WWOX: variants seen among roughly 807,000 people sequenced by gnomAD.
The protein encoded by WWOX is WW domain containing oxidoreductase.
A neutral mutation model predicts 46.2 loss-of-function variants in WWOX; 69 were observed. The ratio of observed to expected loss-of-function variants is 1.49; its 90% confidence interval spans 1.23 to 1.82. WWOX has a LOEUF of 1.82. Among genes scored for constraint, WWOX ranks in the 40% most tolerant of loss-of-function variants. The pLI, the probability that WWOX is intolerant of heterozygous loss-of-function variation, is 0.00. For missense variants in WWOX, 919 were observed against 542.6 expected, an observed-to-expected ratio of 1.69 and a Z score of -6.89; for synonymous variants, 359 against 202.6, an observed-to-expected ratio of 1.77 and a Z score of -6.56.
intron 8 of WWOX, among the ~76,000 whole-genome samples, chr16:78,580,916 G>A (rs1367894007): frequency 1.3e-5 from 2 of 152,202 alleles, no homozygotes; most frequent in Non-Finnish European, 2.9e-5. Context: ...CTGGTCATAA[G>A]TCTAATTTAG....
At chr16:78,362,469 C>T (rs769311604) in intron 5 of WWOX, among the ~76,000 whole-genome samples, 4 of 151,990 alleles carry the variant, frequency 2.6e-5, no homozygotes, top group Non-Finnish European at 5.9e-5. Flanking sequence ...AATTAACAGG[C>T]GTGGTGGCAG....
intron 8 of WWOX, among the ~76,000 whole-genome samples, chr16:78,978,999 C>G (rs1207159079): frequency 1.3e-5 from 2 of 152,098 alleles, no homozygotes; most frequent in Non-Finnish European, 2.9e-5. Context: ...TCATTTTAGG[C>G]TATGAGGACC....
intron 5 of WWOX, among the ~76,000 whole-genome samples, chr16:78,275,182 C>T (rs2079554015): frequency 6.6e-6 from 1 of 152,166 alleles, no homozygotes; most frequent in African/African-American, 2.4e-5. Flanking sequence ...GTGGTGAATT[C>T]AGCCTGCAGG....
intron 8 of WWOX, among the ~76,000 whole-genome samples, chr16:78,553,701 C>T (rs1340613042): frequency 2.0e-5 from 3 of 152,010 alleles, no homozygotes; most frequent in African/African-American, 7.3e-5. Flanking sequence ...GAACCTTTCC[C>T]TAGAAGGTCT....
At chr16:78,434,024 C>T (rs543001369) in intron 8 of WWOX, among the ~76,000 whole-genome samples, 5 of 152,080 alleles carry the variant, frequency 3.3e-5, no homozygotes, top group African/African-American at 7.2e-5. Context: ...CTCCTGACCT[C>T]GTGATCCGCC....
intron 5 of WWOX, among the ~76,000 whole-genome samples, chr16:78,382,374 C>T (rs1013961563): frequency 1.3e-5 from 2 of 152,214 alleles, no homozygotes; most frequent in African/African-American, 4.8e-5. Flanking sequence ...GGCAGTGTTA[C>T]AGACAACAGA....
chr16:78,355,556 A>C, intron 5 of WWOX: 1 of 422,992 alleles, frequency 2.4e-6, no homozygotes, highest in South Asian at 2.1e-5. Context: ...CCAGCAGCAA[A>C]CTACCAACAC....
rs771242988 is a variant in WWOX at position 78,501,194 on chromosome 16, T to TC, written c.1056+68442_1056+68443insC. Among the ~76,000 whole-genome samples, 26 of 95,668 alleles carry TC rather than the reference T, an allele frequency of 2.7e-4. 2 individuals carry two copies. The East Asian group carries it at 2.8e-3, about 10-fold the overall frequency. The allele number at this position is 95,668 out of a possible 152,430, so 62.8% of individuals were successfully genotyped here. A position where few individuals can be genotyped will look rare whatever the true frequency, so the allele number is the denominator to read the frequency against. Reference sequence around the variant, plus strand: ...TTTTCTTTCTCTCTCTTTCTTTCTCTTTTTTTTTTTTTGAAAAACTTTTTT... The same window carrying TC: ...TTTTCTTTCTCTCTCTTTCTTTCTCTCTTTTTTTTTTTTGAAAAACTTTTTT... On this transcript the variant is annotated intron_variant, in intron 8 of 8. Transcript: ENST00000566780.
intron 8 of WWOX, among the ~76,000 whole-genome samples, chr16:79,105,152 A>T (rs1239219940): frequency 1.3e-5 from 2 of 152,172 alleles, no homozygotes; most frequent in Admixed American, 1.3e-4. Context: ...GAGCCTCTCG[A>T]TGAGCTATGA....
intron 8 of WWOX, among the ~76,000 whole-genome samples, chr16:78,657,112 G>A (rs1269019518): frequency 6.6e-6 from 1 of 152,092 alleles, no homozygotes; most frequent in Non-Finnish European, 1.5e-5. Flanking sequence ...CACACACCAG[G>A]CTGCCACTTT....
At chr16:78,578,277 TATATA>T (rs1399043284) in intron 8 of WWOX, among the ~76,000 whole-genome samples, 6 of 45,554 alleles carry the variant, frequency 1.3e-4, no homozygotes, top group African/African-American at 3.8e-4. Flanking sequence ...TATATATATA[TATATA>T]TATTTTTTTT....
chr16:79,047,954 A>G (rs1004484451), intron 8 of WWOX, among the ~76,000 whole-genome samples: 1 of 152,102 alleles, frequency 6.6e-6, no homozygotes, highest in African/African-American at 2.4e-5. Flanking sequence ...TCCTGTCTGC[A>G]GAGGAGTTGC....
At chr16:78,363,778 C>A (rs183463224) in intron 5 of WWOX, among the ~76,000 whole-genome samples, 10 of 152,124 alleles carry the variant, frequency 6.6e-5, no homozygotes, top group Non-Finnish European at 1.3e-4. Context: ...GAGCTCAAAC[C>A]CCTCCAGCTT....
chr16:78,245,759 AAGTT>A (rs1411051283), intron 5 of WWOX, among the ~76,000 whole-genome samples: 2 of 152,158 alleles, frequency 1.3e-5, no homozygotes, highest in East Asian at 3.9e-4. Context: ...AATGTTTCCT[AAGTT>A]AGTTCTTGCG....
intron 8 of WWOX, among the ~76,000 whole-genome samples, chr16:78,632,052 C>T (rs923955476): frequency 6.6e-6 from 1 of 151,996 alleles, no homozygotes; most frequent in Non-Finnish European, 1.5e-5. Flanking sequence ...TAAAAGTCTT[C>T]TTGGTCCATG....
At chr16:78,962,041 G>A (rs1352248006) in intron 8 of WWOX, among the ~76,000 whole-genome samples, 2 of 152,104 alleles carry the variant, frequency 1.3e-5, no homozygotes, top group Non-Finnish European at 2.9e-5. Context: ...AAGTCTGGAT[G>A]TGACTTCTAC....
intron 5 of WWOX, chr16:78,179,584 T>C (rs2035462563): frequency 6.6e-6 from 1 of 152,164 alleles, no homozygotes; most frequent in African/African-American, 2.4e-5. Context: ...ATGATGATGA[T>C]AATAATAATA....
chr16:78,459,384 A>C (rs543400896), intron 8 of WWOX, among the ~76,000 whole-genome samples: 39 of 152,336 alleles, frequency 2.6e-4, no homozygotes, highest in Non-Finnish European at 5.1e-4. Flanking sequence ...GATATTTCCG[A>C]GTGGCCTACA....
intron 8 of WWOX, among the ~76,000 whole-genome samples, chr16:78,727,115 C>T (rs1245549109): frequency 6.6e-6 from 1 of 152,114 alleles, no homozygotes; most frequent in African/African-American, 2.4e-5. Flanking sequence ...AAAATGAGGC[C>T]CAGTGGGGCA....
Sources: gnomAD v4.1 joint callset for allele counts (sites outside exome capture counted in the v4.1 genomes callset) on GRCh38, gnomAD v4.1.1 for gene constraint, MANE v1.5 for transcripts, NCBI Gene and HGNC (gene_info 2026-07-23, HGNC 2026-07-21) for gene names.